The following WDR72 variants were observed in gnomAD, a reference collection of about 807,000 sequenced individuals.
WDR72 encodes WD repeat-containing protein 72.
A neutral mutation model predicts 124.2 loss-of-function variants in WDR72; 120 were observed. The observed-to-expected ratio is 0.97, with a 90% CI of 0.83 to 1.12. The LOEUF is 1.12. Among genes scored for constraint, WDR72 ranks in the 50% most tolerant of loss-of-function variants. WDR72 has a pLI of 0.00. For missense variants in WDR72, 1,387 were observed against 1,278.8 expected (o/e 1.08, Z -1.29); for synonymous variants, 452 against 441.7 (o/e 1.02, Z -0.29).
At chr15:53,561,986 T>G (rs999213799) in intron 18 of WDR72, among the ~76,000 whole-genome samples, 2 of 151,798 alleles carry the variant, frequency 1.3e-5, no homozygotes, top group African/African-American at 4.8e-5. Flanking sequence ...TAATTTATTG[T>G]TAATTGAGTT....
chr15:53,677,442 C>G (rs529736621), intron 13 of WDR72, among the ~76,000 whole-genome samples: 1 of 152,232 alleles, frequency 6.6e-6, no homozygotes, highest in Admixed American at 6.5e-5. Flanking sequence ...CCAAAGGAAG[C>G]TGATATGATT....
chr15:53,611,170 T>C (rs912424782), intron 16 of WDR72, among the ~76,000 whole-genome samples: 1 of 152,134 alleles, frequency 6.6e-6, no homozygotes, highest in African/African-American at 2.4e-5. Context: ...GGAGTATTAT[T>C]TTTATTCTTT....
At chr15:53,761,618 G>A (rs2019065288), upstream of WDR72, among the ~76,000 whole-genome samples, 1 of 152,134 alleles carries the variant, frequency 6.6e-6, no homozygotes. Flanking sequence ...TTGCTCCCAA[G>A]AGTTTGAGAC....
At chr15:53,559,937 C>A (rs1020951316) in intron 18 of WDR72, among the ~76,000 whole-genome samples, 2 of 152,032 alleles carry the variant, frequency 1.3e-5, no homozygotes, top group South Asian at 4.1e-4. Context: ...ATTGGATAAT[C>A]ATTAGAAATA....
At chr15:53,701,565 A>T (rs113381696) in intron 12 of WDR72, among the ~76,000 whole-genome samples, 11,065 of 83,238 alleles carry the variant, frequency 0.13, 466 homozygotes, top group East Asian at 0.25. Flanking sequence ...TCTCTCACAC[A>T]CACACACACA....
chr15:53,676,263 C>G (rs770069834), intron 13 of WDR72, among the ~76,000 whole-genome samples: 1 of 152,118 alleles, frequency 6.6e-6, no homozygotes, highest in South Asian at 2.1e-4. Flanking sequence ...ATGTGATTCC[C>G]TCCCCTTTGA....
chr15:53,601,270 G>A (rs1464698846), intron 17 of WDR72, among the ~76,000 whole-genome samples: 1 of 151,992 alleles, frequency 6.6e-6, no homozygotes, highest in Non-Finnish European at 1.5e-5. Context: ...AGCTTCATAA[G>A]TAAAGGAGAA....
In WDR72 at chr15:53,728,184, A is replaced by T. The variant is rs192779906; in HGVS notation, c.153+4813T>A. ...TCATGGTGGAAGGCAAGGAGGAGCAAGTCACATCTTACCTGGATGGCAGCA... is the reference window on the plus strand; with the variant it reads ...TCATGGTGGAAGGCAAGGAGGAGCATGTCACATCTTACCTGGATGGCAGCA... On this transcript the variant is annotated intron_variant, in intron 2 of 19. Coordinates refer to ENST00000360509, the MANE Select transcript of WDR72 (RefSeq NM_182758.4). 1.6e-3 allele frequency among the ~76,000 whole-genome samples: 241 copies of T among 152,342 alleles called. 1 individual carries two copies. The highest frequency in any genetic ancestry group is 5.3e-3 in the African/African-American group (220 of 41,588).
chr15:53,635,212 A>C (rs2014579493), intron 14 of WDR72, among the ~76,000 whole-genome samples: 1 of 152,214 alleles, frequency 6.6e-6, no homozygotes, highest in African/African-American at 2.4e-5. Context: ...TTATCACCAT[A>C]CCATCCTCCC....
At chr15:53,585,796 A>G (rs1021585191) in intron 18 of WDR72, among the ~76,000 whole-genome samples, 1 of 152,018 alleles carries the variant, frequency 6.6e-6, no homozygotes, top group Non-Finnish European at 1.5e-5. Flanking sequence ...CTCTGCTCCA[A>G]CGCTGGGTCA....
chr15:53,636,700 A>T (rs185690736), intron 14 of WDR72, among the ~76,000 whole-genome samples: 23 of 152,280 alleles, frequency 1.5e-4, no homozygotes, highest in Admixed American at 1.0e-3. Context: ...ATCTTTAGAA[A>T]ATTCCAATGG....
At chr15:53,561,362 C>G (rs950248540) in intron 18 of WDR72, among the ~76,000 whole-genome samples, 1 of 151,422 alleles carries the variant, frequency 6.6e-6, no homozygotes, top group Non-Finnish European at 1.5e-5. Context: ...AATTCATATC[C>G]CAAATATAAA....
At chr15:53,670,500 A>G (rs2015947236) in intron 13 of WDR72, among the ~76,000 whole-genome samples, 1 of 152,204 alleles carries the variant, frequency 6.6e-6, no homozygotes, top group South Asian at 2.1e-4. Flanking sequence ...CCCCATGCAC[A>G]ACCCTGCCCA....
intron 12 of WDR72, 26 bp downstream of exon 12, chr15:53,702,108 A>G (rs74018741): frequency 0.019 from 29,757 of 1,537,998 alleles, 530 homozygotes; most frequent in East Asian, 0.073. Context: ...TCAAATTTAG[A>G]TGTTATATTT....
At chr15:53,649,344 C>T (rs1411209905) in intron 14 of WDR72, among the ~76,000 whole-genome samples, 1 of 152,048 alleles carries the variant, frequency 6.6e-6, no homozygotes, top group Admixed American at 6.6e-5. Context: ...ATTGCCAACC[C>T]CTGGCTTATT....
At chr15:53,617,091 C>T (rs770292404) in intron 14 of WDR72, among the ~76,000 whole-genome samples, 24 of 151,790 alleles carry the variant, frequency 1.6e-4, no homozygotes, top group African/African-American at 4.1e-4. Context: ...CAAATTTATA[C>T]AATGGAACAC....
chr15:53,699,370 A>G (rs932789039), intron 13 of WDR72, among the ~76,000 whole-genome samples: 4 of 152,218 alleles, frequency 2.6e-5, no homozygotes, highest in African/African-American at 9.6e-5. Flanking sequence ...CTGATCATCA[A>G]TTAGCTCAAA....
intron 14 of WDR72, among the ~76,000 whole-genome samples, chr15:53,630,938 A>G (rs998916192): frequency 5.3e-5 from 8 of 152,260 alleles, no homozygotes. Flanking sequence ...TGCAGATTAC[A>G]TAATATTGTA....
chr15:53,727,985 A>G lies in WDR72; in HGVS notation c.153+5012T>C, dbSNP rs546629106. ...GCATTGGTTCCTCCTGACCACCACCATCACTTCCAGGTACTTCCAACAGCA... is the reference window on the plus strand; with the variant it reads ...GCATTGGTTCCTCCTGACCACCACCGTCACTTCCAGGTACTTCCAACAGCA... On this transcript the variant is annotated intron_variant, in intron 2 of 19. Transcript: ENST00000360509. Among the ~76,000 whole-genome samples the G allele has an allele frequency of 4.1e-4, 62 of 152,332 alleles. 1 individual carries two copies. In the South Asian group the frequency reaches 0.013, roughly 32 times the overall value.
Sources: gnomAD v4.1 joint callset for allele counts (sites outside exome capture counted in the v4.1 genomes callset) on GRCh38, gnomAD v4.1.1 for gene constraint, MANE v1.5 for transcripts, NCBI Gene and HGNC (gene_info 2026-07-23, HGNC 2026-07-21) for gene names.